The following GLB1L variants were observed in gnomAD, a reference collection of about 807,000 sequenced individuals.
GLB1L encodes beta-galactosidase-1-like protein.
In GLB1L, 58 loss-of-function variants were observed where a neutral mutation model predicts 75.7. The ratio of observed to expected loss-of-function variants is 0.77; its 90% CI spans 0.62 to 0.95. The LOEUF (loss-of-function observed/expected upper bound fraction) is 0.95, where lower values mean the gene tolerates loss of function less well. GLB1L is among the 40% of genes least tolerant of loss of function. The probability of loss-of-function intolerance (pLI) is 0.00; values close to 1 mark genes in which losing one functional copy is unlikely to be tolerated. For missense variants in GLB1L, 797 were observed against 805.5 expected (o/e 0.99, Z 0.13); for synonymous variants, 296 against 303.0 (o/e 0.98, Z 0.24).
intron 4 of GLB1L, 92 bp downstream of exon 4, chr2:219,242,676 G>A: frequency 6.5e-7 from 1 of 1,543,100 alleles, no homozygotes; most frequent in South Asian, 1.1e-5. Context: ...ATTGAATATA[G>A]TGCTGGAGAT....
At position 219,237,403 on chromosome 2, in the gene GLB1L, A is replaced by G. The variant is rs377561268; in HGVS notation, c.1690-56T>C. The G allele has an allele frequency of 1.3e-4, 200 of 1,599,956 alleles. 3 individuals are homozygous for G. In the Middle Eastern group the frequency reaches 4.6e-3, roughly 37 times the overall value. On this transcript the variant is annotated intron_variant, in intron 16 of 16. Coordinates refer to ENST00000295759, the MANE Select transcript of GLB1L (RefSeq NM_001286423.2). The stretch of plus-strand genomic sequence containing the variant: ...AAGAAAGGGTCAGCTCTCCAGGGGT[A>G]GAATCATACCCTTTTGGGTTTCTAA...
At chr2:219,241,496 C>T (rs1158178852) in intron 5 of GLB1L, among the ~76,000 whole-genome samples, 7 of 96,456 alleles carry the variant, frequency 7.3e-5, no homozygotes, top group African/African-American at 2.7e-4. Context: ...ATAGAGAGAG[C>T]GAGAGAGAGA....
At chr2:219,238,927 C>T (rs1170122356) in intron 11 of GLB1L, 148 bp from the exon 12 acceptor site, 42 of 852,574 alleles carry the variant, frequency 4.9e-5, no homozygotes, top group Non-Finnish European at 5.6e-5. Context: ...TGTGTGTCTT[C>T]ACACATAGTC....
rs887183488 is a variant in GLB1L, at chr2:219,242,570, C to A, written c.395G>T (p.Gly132Val). 3.7e-6 allele frequency: 6 copies of A among 1,611,678 alleles called. No homozygotes were observed. In the Admixed American group the frequency reaches 8.3e-5, roughly 22 times the overall value. The change falls in exon 5 of 17, where the codon GGT (glycine) becomes GTT (valine). Residue 132 changes from glycine to valine, a missense_variant. Coordinates refer to ENST00000295759, the MANE Select transcript of GLB1L (RefSeq NM_001286423.2). ...PYICAEWEMGGLPSWLLRKPE... is the reference protein window; with the variant it reads ...PYICAEWEMGVLPSWLLRKPE... ...TTTTCGAAGCAACCAGGATGGGAGA[C>A]CCCCCTGAGACAAACATAAAGAGAA... is the stretch of plus-strand genomic sequence containing the variant.
At position 219,236,760 on chromosome 2, in the gene GLB1L, C is replaced by CTTTTTTTT. The variant is rs5838728; in HGVS notation, c.*304_*311dup. The CTTTTTTTT allele has an allele frequency of 6.4e-5, 8 of 125,788 alleles. No individual in the cohort carries two copies. The highest frequency in any genetic ancestry group is 1.8e-4 in the South Asian group (1 of 5,574). 7.8% of individuals were successfully genotyped at this position (125,788 alleles called of 1,614,324 possible). A position where few individuals can be genotyped will look rare whatever the true frequency, so the allele number is the denominator to read the frequency against. ...CTCCATGTCCCAGGTCCAAGGGTTA[C>CTTTTTTTT]TTTTTTTTTTTTTTTTTTTTTTGAG... is the stretch of plus-strand genomic sequence containing the variant. On this transcript the variant is annotated 3_prime_UTR_variant, in exon 17 of 17. Coordinates refer to ENST00000295759, the MANE Select transcript of GLB1L (RefSeq NM_001286423.2).
intron 5 of GLB1L, 26 bp from the exon 6 acceptor site, chr2:219,240,311 G>A: frequency 6.4e-7 from 1 of 1,562,242 alleles, no homozygotes; most frequent in African/African-American, 1.4e-5. Flanking sequence ...GAGCTTCTGT[G>A]TTAGGTGCTA....
At chr2:219,244,027 G>A (rs1429110077) in intron 1 of GLB1L, 1 of 139,242 alleles carries the variant, frequency 7.2e-6, no homozygotes, top group Non-Finnish European at 1.6e-5. Flanking sequence ...GTGGGGGTGG[G>A]GGTGGGGGTA....
In GLB1L at chr2:219,243,606, C is replaced by G. The variant is rs1319580676; in HGVS notation, c.-33G>C. The G allele has an allele frequency of 1.2e-6, 2 of 1,604,650 alleles. No homozygotes were observed. Among genetic ancestry groups the G allele is most frequent in the Admixed American group, 3.3e-5 (2 of 60,004 alleles). On this transcript the variant is annotated 5_prime_UTR_variant, in exon 2 of 17. Coordinates refer to ENST00000295759, the MANE Select transcript of GLB1L (RefSeq NM_001286423.2). ...ACAGCGCTCCTCTAGTCTGAGACGG[C>G]GGACAGACCGTCACGTGTCGGATTC...
At chr2:219,241,108 C>T (rs1258999234) in intron 5 of GLB1L, among the ~76,000 whole-genome samples, 8 of 147,764 alleles carry the variant, frequency 5.4e-5, no homozygotes, top group Admixed American at 4.0e-4. Flanking sequence ...ATGCCGGGTG[C>T]GGCGGCTCAC....
At position 219,237,789 on chromosome 2, in the gene GLB1L, T is replaced by C. The variant is rs776733245; in HGVS notation, c.1473+37A>G. 6.8e-6 allele frequency: 11 copies of C among 1,613,184 alleles called. No individual in the cohort carries two copies. The South Asian group carries it at 7.7e-5, about 11-fold the overall frequency. Reference sequence around the variant, plus strand: ...AGCTTTGAAGCTAAGTTATCCTTAATCAAGCCCTGGGATATAACTAGGCAA... The same window carrying C: ...AGCTTTGAAGCTAAGTTATCCTTAACCAAGCCCTGGGATATAACTAGGCAA... On this transcript the variant is annotated intron_variant, in intron 15 of 16. Transcript: ENST00000295759.
chr2:219,241,198 G>A (rs934014064), intron 5 of GLB1L, among the ~76,000 whole-genome samples: 1 of 151,756 alleles, frequency 6.6e-6, no homozygotes, highest in Admixed American at 6.6e-5. Context: ...GGCTAACACA[G>A]TGAAACCCCA....
At position 219,243,206 on chromosome 2, in the gene GLB1L, C is replaced by G. The variant is rs145423191; in HGVS notation, c.181G>C (p.Val61Leu). ...GSLHYFRVPR[V>L]LWADRLLKMR... ...TTCAAAAGCCGGTCGGCCCAAAGCA[C>G]CCGCGGTACCCGAAAGTAGTGCAGG... Residue 61 changes from valine to leucine, a missense_variant, in exon 3 of 17, where the codon GTG becomes CTG. Val to Leu is a conservative substitution (Grantham distance 32, BLOSUM62 1). Coordinates refer to ENST00000295759, the MANE Select transcript of GLB1L (RefSeq NM_001286423.2). 4 of 1,614,066 alleles carry G rather than the reference C, an allele frequency of 2.5e-6. No homozygotes were observed. Among genetic ancestry groups the G allele is most frequent in the African/African-American group, 2.7e-5 (2 of 75,040 alleles).
At chr2:219,242,678 G>A in intron 4 of GLB1L, 90 bp downstream of exon 4, 1 of 1,539,912 alleles carries the variant, frequency 6.5e-7, no homozygotes. Flanking sequence ...TGAATATAGT[G>A]CTGGAGATGG....
Position 219,238,573 on chromosome 2 carries a change from T to C in GLB1L, c.1149A>G (p.Leu383=). The C allele has an allele frequency of 6.2e-7, 1 of 1,613,714 alleles. No homozygotes were observed. The highest frequency in any genetic ancestry group is 8.5e-7 in the Non-Finnish European group (1 of 1,179,692). The change falls in exon 13 of 17, where the codon TTA becomes TTG. Residue 383 remains leucine (L), a synonymous_variant. Transcript: ENST00000295759. ...GPVTLHLVGH[L]LAFLDLLCPR... Reference sequence around the variant, plus strand: ...GGCAAAGCAAGTCTAGGAAAGCCAGTAAATGCCCAACCTATTAGAATAAGG... The same window carrying C: ...GGCAAAGCAAGTCTAGGAAAGCCAGCAAATGCCCAACCTATTAGAATAAGG...
rs368971806 is a variant in GLB1L, at chr2:219,242,897, G to A, written c.261C>T (p.His87=). The A allele has an allele frequency of 6.2e-6, 10 of 1,614,100 alleles. No homozygotes were observed. In the African/African-American group the frequency reaches 1.1e-4, roughly 17 times the overall value. The change falls in exon 4 of 17, where the codon CAC becomes CAT. Residue 87 remains histidine, a synonymous_variant. Coordinates refer to ENST00000295759, the MANE Select transcript of GLB1L (RefSeq NM_001286423.2). ...AIQFYVPWNY[H]EPQPGVYNFN... Reference sequence around the variant, plus strand: ...AGTTATAGACCCCAGGCTGTGGCTCGTGGTAGTTCCAGGGCACATAACTGA... The same window carrying A: ...AGTTATAGACCCCAGGCTGTGGCTCATGGTAGTTCCAGGGCACATAACTGA...
chr2:219,241,268 A>G (rs1393690834), intron 5 of GLB1L, among the ~76,000 whole-genome samples: 3 of 151,002 alleles, frequency 2.0e-5, no homozygotes, highest in Non-Finnish European at 4.4e-5. Flanking sequence ...AGTCCCAGCT[A>G]CTCAGGAGGC....
Position 219,238,482 on chromosome 2 carries a change from G to A in GLB1L, c.1227+13C>T. ...AGGTTGTCATCTCCACCAGATGTGGGTTTATGCCTTACCTGCTTGACAGCC... is the reference window on the plus strand; with the variant it reads ...AGGTTGTCATCTCCACCAGATGTGGATTTATGCCTTACCTGCTTGACAGCC... On this transcript the variant is annotated intron_variant, in intron 13 of 16. Coordinates refer to ENST00000295759, the MANE Select transcript of GLB1L (RefSeq NM_001286423.2). The A allele has an allele frequency of 1.9e-6, 3 of 1,611,566 alleles. No individual in the cohort carries two copies. The Admixed American group carries it at 5.0e-5, about 27-fold the overall frequency.
At chr2:219,238,634 G>C (rs202221491) in intron 12 of GLB1L, 50 bp from the exon 13 acceptor site, 2 of 1,599,744 alleles carry the variant, frequency 1.3e-6, no homozygotes, top group African/African-American at 2.7e-5. Flanking sequence ...TTTCTGGATA[G>C]AGGACAAGAA....
At chr2:219,241,520 A>G (rs375910342) in intron 5 of GLB1L, among the ~76,000 whole-genome samples, 4 of 148,546 alleles carry the variant, frequency 2.7e-5, no homozygotes, top group African/African-American at 9.9e-5. Context: ...GGAAGGCCTC[A>G]CCAAGGTGAC....
Sources: allele counts gnomAD v4.1 joint callset (sites outside exome capture counted in the v4.1 genomes callset), GRCh38; gene constraint gnomAD v4.1.1; transcripts MANE v1.5; gene names NCBI Gene and HGNC (gene_info 2026-07-23, HGNC 2026-07-21).